EDN1: variants seen among roughly 807,000 people sequenced by gnomAD.
The protein encoded by EDN1 is endothelin-1.
In EDN1, 11 loss-of-function variants were observed where a neutral mutation model predicts 21.7. The observed-to-expected ratio is 0.51, with a 90% CI of 0.32 to 0.84. The LOEUF (loss-of-function observed/expected upper bound fraction) is 0.84. Among genes scored for constraint, EDN1 ranks in the 40% least tolerant of loss-of-function variants. The pLI is 0.03. For missense variants in EDN1, 244 were observed against 262.3 expected, an observed-to-expected ratio of 0.93 and a Z score of 0.48; for synonymous variants, 85 against 90.6, an observed-to-expected ratio of 0.94 and a Z score of 0.35.
At chr6:12,252,087 T>G in the EDN1 span, among the ~76,000 whole-genome samples, 2 of 152,202 alleles carry the variant, frequency 1.3e-5, no homozygotes, top group Non-Finnish European at 2.9e-5. Context: ...TGTGTAAGGA[T>G]GTAATTAACA....
the EDN1 span, among the ~76,000 whole-genome samples, chr6:12,266,885 C>T: frequency 6.6e-6 from 1 of 152,092 alleles, no homozygotes; most frequent in African/African-American, 2.4e-5. Flanking sequence ...TGTATAGTGT[C>T]TCTCTCAGAA....
In EDN1 at chr6:12,296,210, A is replaced by G. The variant is rs1208149625; in HGVS notation, c.*143A>G. ...CAAAGGACCAGCGTCCTCGTTCAAA[A>G]CATTCCAAGAAAGGTTAAGGAGTTC... On this transcript the variant is annotated 3_prime_UTR_variant, in exon 5 of 5. Coordinates refer to ENST00000379375, the MANE Select transcript of EDN1 (RefSeq NM_001955.5). The G allele has an allele frequency of 3.6e-5, 27 of 753,902 alleles. No homozygotes were observed. The highest frequency in any genetic ancestry group is 5.6e-5 in the Non-Finnish European group (24 of 427,370). The allele number at this position is 753,902 out of a possible 1,614,324, so 46.7% of individuals were successfully genotyped here.
the EDN1 span, among the ~76,000 whole-genome samples, chr6:12,259,073 A>C: frequency 6.6e-6 from 1 of 152,202 alleles, no homozygotes; most frequent in Admixed American, 6.5e-5. Context: ...TGTTGACAAT[A>C]CATGGTGTTG....
the EDN1 span, among the ~76,000 whole-genome samples, chr6:12,273,064 G>GACGACTCTACAGA: frequency 3.9e-5 from 6 of 152,282 alleles, no homozygotes; most frequent in African/African-American, 1.4e-4. Context: ...AGTAAATTGT[G>GACGACTCTACAGA]ACGACTCTAC....
chr6:12,255,877 G>A, the EDN1 span, among the ~76,000 whole-genome samples: 2 of 152,166 alleles, frequency 1.3e-5, no homozygotes, highest in Non-Finnish European at 2.9e-5. Context: ...ACTTTAAAGA[G>A]GACAGTAAAT....
the EDN1 span, among the ~76,000 whole-genome samples, chr6:12,255,497 A>C: frequency 6.6e-6 from 1 of 152,252 alleles, no homozygotes; most frequent in East Asian, 1.9e-4. Context: ...AAGCAGGAAC[A>C]AGACCAGGAA....
At chr6:12,293,536 T>G (rs1762741413) in intron 2 of EDN1, among the ~76,000 whole-genome samples, 1 of 152,186 alleles carries the variant, frequency 6.6e-6, no homozygotes, top group South Asian at 2.1e-4. Context: ...ATCCTGTGAG[T>G]CATGGTTTTG....
chr6:12,233,628 C>T, the EDN1 span, among the ~76,000 whole-genome samples: 1 of 152,122 alleles, frequency 6.6e-6, no homozygotes, highest in African/African-American at 2.4e-5. Flanking sequence ...AAGATTGCTG[C>T]TGATGATGTG....
rs537170013 is a variant in EDN1 at position 12,294,353 on chromosome 6, T to C, written c.482T>C (p.Val161Ala). The stretch of plus-strand genomic sequence containing the variant: ...AAAAAGTGTATTTATCAGCAGTTAG[T>C]GAGAGGAAGAAAAATCAGAAGAAGT... ...LGKKCIYQQL[V>A]RGRKIRRSSE... Residue 161 changes from valine (V) to alanine (A), a missense_variant, in exon 4 of 5, where the codon GTG (valine) becomes GCG (alanine). Coordinates refer to ENST00000379375, the MANE Select transcript of EDN1 (RefSeq NM_001955.5). 1.9e-6 allele frequency: 3 copies of C among 1,613,948 alleles called. No individual in the cohort carries two copies. The highest frequency in any genetic ancestry group is 2.2e-5 in the South Asian group (2 of 91,072).
upstream of EDN1, among the ~76,000 whole-genome samples, chr6:12,286,683 C>T (rs1762562948): frequency 6.6e-6 from 1 of 152,202 alleles, no homozygotes; most frequent in South Asian, 2.1e-4. Flanking sequence ...AAAAACAGTA[C>T]AATTTGCTAC....
chr6:12,240,008 A>C, the EDN1 span, among the ~76,000 whole-genome samples: 15 of 152,214 alleles, frequency 9.9e-5, 1 homozygote, highest in Admixed American at 6.5e-5. Flanking sequence ...GAGGTTATAA[A>C]GTAAAATAAA....
the EDN1 span, among the ~76,000 whole-genome samples, chr6:12,231,160 C>G: frequency 6.6e-6 from 1 of 152,184 alleles, no homozygotes; most frequent in African/African-American, 2.4e-5. Flanking sequence ...GAACTTTCAG[C>G]CATCTAACCC....
rs146328859 is a variant in EDN1 at position 12,291,736 on chromosome 6, A to G, written c.65-605A>G. Among the ~76,000 whole-genome samples, 12 of 152,228 alleles carry G rather than the reference A, an allele frequency of 7.9e-5. No individual in the cohort carries two copies. In the East Asian group the frequency reaches 1.7e-3, roughly 22 times the overall value. On this transcript the variant is annotated intron_variant, in intron 1 of 4. Transcript: ENST00000379375. ...GCCCCACCTTAGGTCACTGGTTTCTATGGAGTTACCCTCCTGAATTGAATA... is the reference window on the plus strand; with the variant it reads ...GCCCCACCTTAGGTCACTGGTTTCTGTGGAGTTACCCTCCTGAATTGAATA...
Position 12,293,986 on chromosome 6 carries a change from C to A in EDN1, c.279C>A (p.Ala93=). The A allele has an allele frequency of 6.2e-7, 1 of 1,614,214 alleles. No homozygotes were observed. The highest frequency in any genetic ancestry group is 8.5e-7 in the Non-Finnish European group (1 of 1,180,032). The change falls in exon 3 of 5, where the codon GCC becomes GCA. Residue 93 remains alanine, a synonymous_variant. Transcript: ENST00000379375. ...TTGGAAGCCCTAGGTCCAAGAGAGC[C>A]TTGGAGAATTTACTTCCCACAAAGG... ...YGLGSPRSKR[A]LENLLPTKAT...
chr6:12,282,612 CCTT>C, the EDN1 span, among the ~76,000 whole-genome samples: 2 of 152,184 alleles, frequency 1.3e-5, no homozygotes, highest in African/African-American at 4.8e-5. Context: ...TCCTCCTCTT[CCTT>C]CTTCTTCTTT....
intron 2 of EDN1, among the ~76,000 whole-genome samples, chr6:12,292,862 G>C (rs924595956): frequency 6.6e-6 from 1 of 152,190 alleles, no homozygotes; most frequent in African/African-American, 2.4e-5. Flanking sequence ...ATGTGGGTTA[G>C]TGCAACCTGT....
At chr6:12,236,759 C>T in the EDN1 span, among the ~76,000 whole-genome samples, 1 of 135,558 alleles carries the variant, frequency 7.4e-6, no homozygotes, top group Non-Finnish European at 1.6e-5. Context: ...ATTAATTAGG[C>T]CAATATTTCT....
chr6:12,244,936 C>A, the EDN1 span, among the ~76,000 whole-genome samples: 1 of 152,164 alleles, frequency 6.6e-6, no homozygotes, highest in East Asian at 1.9e-4. Context: ...TTTCCTGCAA[C>A]TTCTACCCTA....
chr6:12,261,490 T>C, the EDN1 span, among the ~76,000 whole-genome samples: 2 of 152,136 alleles, frequency 1.3e-5, no homozygotes, highest in African/African-American at 2.4e-5. Flanking sequence ...GTTGTGCTGC[T>C]CCCAAGCAAT....
Sources: allele counts gnomAD v4.1 joint callset (sites outside exome capture counted in the v4.1 genomes callset), GRCh38; gene constraint gnomAD v4.1.1; transcripts MANE v1.5; gene names NCBI Gene and HGNC (gene_info 2026-07-23, HGNC 2026-07-21).